SNTG1: variants seen among roughly 807,000 people sequenced by gnomAD.
SNTG1 encodes the protein syntrophin gamma 1.
In SNTG1, 39 loss-of-function variants were observed where a neutral mutation model predicts 74.7. The ratio of observed to expected loss-of-function variants is 0.52; its 90% CI spans 0.40 to 0.68. SNTG1 has a LOEUF of 0.68. SNTG1 is among the 30% of genes least tolerant of loss of function. The pLI is 0.00. For synonymous variants in SNTG1, 254 were observed against 217.1 expected, an observed-to-expected ratio of 1.17 and a Z score of -1.49; for missense variants, 685 against 609.5, an observed-to-expected ratio of 1.12 and a Z score of -1.30.
At chr8:50,507,292 T>G (rs914520130) in intron 9 of SNTG1, among the ~76,000 whole-genome samples, 1 of 152,094 alleles carries the variant, frequency 6.6e-6, no homozygotes, top group African/African-American at 2.4e-5. Context: ...TGTAGTTTTA[T>G]TTTTTGTAGT....
At chr8:50,580,995 T>A (rs2094606761) in intron 12 of SNTG1, among the ~76,000 whole-genome samples, 1 of 152,186 alleles carries the variant, frequency 6.6e-6, no homozygotes, top group South Asian at 2.1e-4. Flanking sequence ...TGTGATTTTG[T>A]TCTTTTGTTT....
At chr8:49,943,618 A>T (rs1055357578) in intron 1 of SNTG1, among the ~76,000 whole-genome samples, 21 of 152,232 alleles carry the variant, frequency 1.4e-4, no homozygotes, top group African/African-American at 5.1e-4. Context: ...CAGAATTTTA[A>T]TCCTTGCCCT....
At chr8:50,368,482 A>C (rs781055584) in intron 2 of SNTG1, among the ~76,000 whole-genome samples, 4 of 152,204 alleles carry the variant, frequency 2.6e-5, no homozygotes, top group Non-Finnish European at 5.9e-5. Flanking sequence ...TCTGGAGACA[A>C]CACTAAGAGT....
At chr8:50,475,897 C>T (rs1211477900) in intron 8 of SNTG1, among the ~76,000 whole-genome samples, 1 of 152,070 alleles carries the variant, frequency 6.6e-6, no homozygotes, top group Non-Finnish European at 1.5e-5. Context: ...CCCTCCTTAC[C>T]CATGGTCAAC....
intron 13 of SNTG1, among the ~76,000 whole-genome samples, chr8:50,593,295 C>T (rs1389181161): frequency 6.6e-6 from 1 of 152,088 alleles, no homozygotes; most frequent in Non-Finnish European, 1.5e-5. Context: ...TGAACTCTGC[C>T]ACACTCCAGA....
At chr8:50,256,695 T>G (rs953040435) in intron 2 of SNTG1, among the ~76,000 whole-genome samples, 18 of 152,066 alleles carry the variant, frequency 1.2e-4, no homozygotes, top group Non-Finnish European at 2.9e-5. Context: ...TTAAGGGATC[T>G]TCACTCCCAG....
At chr8:50,256,312 A>G (rs2086879673) in intron 2 of SNTG1, among the ~76,000 whole-genome samples, 1 of 152,160 alleles carries the variant, frequency 6.6e-6, no homozygotes, top group South Asian at 2.1e-4. Context: ...TGAAAAATAA[A>G]GAATAAAAAG....
chr8:50,374,917 A>C (rs1240351634), intron 2 of SNTG1, among the ~76,000 whole-genome samples: 1 of 152,194 alleles, frequency 6.6e-6, no homozygotes, highest in Non-Finnish European at 1.5e-5. Context: ...ATCGTGAAGA[A>C]AGAAAGTCAC....
chr8:50,618,773 C>G (rs74460799), intron 13 of SNTG1, among the ~76,000 whole-genome samples: 5,437 of 152,012 alleles, frequency 0.036, 142 homozygotes, highest in Non-Finnish European at 0.056. Flanking sequence ...AGACCACCCT[C>G]AATTCTCTGT....
At chr8:50,086,561 A>G (rs1235221487) in intron 1 of SNTG1, among the ~76,000 whole-genome samples, 4 of 152,114 alleles carry the variant, frequency 2.6e-5, no homozygotes, top group Admixed American at 6.6e-5. Context: ...TGTATCATTT[A>G]TAGAGATAGG....
intron 1 of SNTG1, among the ~76,000 whole-genome samples, chr8:49,917,114 GA>G (rs1806115477): frequency 6.6e-6 from 1 of 152,092 alleles, no homozygotes; most frequent in Non-Finnish European, 1.5e-5. Flanking sequence ...TCATAGATGA[GA>G]AAAGAGTATT....
At chr8:50,711,906 GTAT>G (rs202009546) in intron 17 of SNTG1, among the ~76,000 whole-genome samples, 5 of 151,922 alleles carry the variant, frequency 3.3e-5, no homozygotes, top group African/African-American at 7.3e-5. Context: ...TTAGAGAAGG[GTAT>G]TATTATTATT....
chr8:50,517,432 A>G (rs2094142620), intron 9 of SNTG1, among the ~76,000 whole-genome samples: 1 of 152,156 alleles, frequency 6.6e-6, no homozygotes, highest in Non-Finnish European at 1.5e-5. Context: ...TCAAATACAC[A>G]CATACCAATA....
At chr8:50,131,635 C>T (rs2131405131) in intron 1 of SNTG1, among the ~76,000 whole-genome samples, 1 of 152,168 alleles carries the variant, frequency 6.6e-6, no homozygotes, top group African/African-American at 2.4e-5. Context: ...AATAATGCCT[C>T]AATGAACATG....
chr8:50,182,710 C>T (rs1216981850), intron 2 of SNTG1, among the ~76,000 whole-genome samples: 1 of 152,012 alleles, frequency 6.6e-6, no homozygotes, highest in Non-Finnish European at 1.5e-5. Context: ...TTTTTGGTCA[C>T]TTCTTCCAGC....
At chr8:50,563,839 A>C (rs1431325302) in intron 12 of SNTG1, among the ~76,000 whole-genome samples, 1 of 152,122 alleles carries the variant, frequency 6.6e-6, no homozygotes, top group Non-Finnish European at 1.5e-5. Context: ...CCCAATTAGA[A>C]ATCTCTCCTG....
intron 2 of SNTG1, among the ~76,000 whole-genome samples, chr8:50,174,157 G>T (rs1005653213): frequency 1.3e-5 from 2 of 152,184 alleles, no homozygotes; most frequent in South Asian, 2.1e-4. Context: ...TCCCTGCAAA[G>T]GACATGAACT....
intron 1 of SNTG1, among the ~76,000 whole-genome samples, chr8:50,100,080 C>T (rs1179822810): frequency 6.6e-6 from 1 of 151,766 alleles, no homozygotes; most frequent in Non-Finnish European, 1.5e-5. Flanking sequence ...ACTATTCAGC[C>T]ACAGAAAAAA....
intron 1 of SNTG1, among the ~76,000 whole-genome samples, chr8:49,936,702 C>T (rs1315383981): frequency 6.6e-6 from 1 of 152,132 alleles, no homozygotes; most frequent in Non-Finnish European, 1.5e-5. Context: ...TCATAGCACC[C>T]TTATCTAGTC....
Sources: gnomAD v4.1 joint callset for allele counts (sites outside exome capture counted in the v4.1 genomes callset) on GRCh38, gnomAD v4.1.1 for gene constraint, MANE v1.5 for transcripts, NCBI Gene and HGNC (gene_info 2026-07-23, HGNC 2026-07-21) for gene names.